Variants in ARAP2 observed in about 807,000 individuals in gnomAD.
ARAP2 encodes the protein ArfGAP with RhoGAP domain, ankyrin repeat and PH domain 2, also known as arf-GAP with Rho-GAP domain, ANK repeat and PH domain-containing protein 2.
A neutral mutation model predicts 194.5 loss-of-function variants in ARAP2; 148 were observed. The ratio of observed to expected loss-of-function variants is 0.76; its 90% CI spans 0.67 to 0.87. The LOEUF (loss-of-function observed/expected upper bound fraction) is 0.87, where lower values mean the gene tolerates loss of function less well. Among genes scored for constraint, ARAP2 ranks in the 40% least tolerant of loss-of-function variants. ARAP2 has a pLI of 0.00. For missense variants in ARAP2, 2,128 were observed against 1,989.7 expected, an observed-to-expected ratio of 1.07 and a Z score of -1.32; for synonymous variants, 695 against 683.5, an observed-to-expected ratio of 1.02 and a Z score of -0.26.
At chr4:36,187,904 A>G (rs1257148886) in intron 7 of ARAP2, among the ~76,000 whole-genome samples, 2 of 152,198 alleles carry the variant, frequency 1.3e-5, no homozygotes, top group African/African-American at 2.4e-5. Context: ...GCTCAAAATG[A>G]TTTTATGGTG....
At chr4:36,031,360 T>C (rs1463551611) in intron 5 of ARAP2, among the ~76,000 whole-genome samples, 1 of 152,208 alleles carries the variant, frequency 6.6e-6, no homozygotes, top group Non-Finnish European at 1.5e-5. Flanking sequence ...TACTCCATTG[T>C]AGCAATCGAA....
chr4:36,075,743 C>A (rs1189547117), intron 31 of ARAP2, among the ~76,000 whole-genome samples: 1 of 152,120 alleles, frequency 6.6e-6, no homozygotes, highest in Non-Finnish European at 1.5e-5. Context: ...ATCATACTTG[C>A]CTGGCAAAGC....
chr4:36,043,828 G>GGGAA (rs1560311481), intron 5 of ARAP2, among the ~76,000 whole-genome samples: 1 of 59,112 alleles, frequency 1.7e-5, no homozygotes, highest in African/African-American at 5.7e-5. Flanking sequence ...GGGAAGGGAA[G>GGGAA]GGGAGGGGAG....
chr4:36,090,295 C>T (rs552739758), intron 28 of ARAP2, among the ~76,000 whole-genome samples: 22 of 152,158 alleles, frequency 1.4e-4, no homozygotes, highest in African/African-American at 4.6e-4. Flanking sequence ...TCCCAGGAAT[C>T]GGAGGGATTC....
Position 36,165,069 on chromosome 4 carries a change from G to A in ARAP2, c.2018C>T (p.Ala673Val), listed in dbSNP as rs768542856. 4 of 1,614,056 alleles carry A rather than the reference G, an allele frequency of 2.5e-6. No homozygotes were observed. The highest frequency in any genetic ancestry group is 3.3e-5 in the Admixed American group (2 of 60,014). ...AGTTTCTGCTATTGATTGCTGCACA[G>A]CTTCAATCCAGTCTTGTTTCTCCTT... is the stretch of plus-strand genomic sequence containing the variant. ...TEKEKQDWIEAVQQSIAETLS... is the reference protein window; with the variant it reads ...TEKEKQDWIEVVQQSIAETLS... Residue 673 changes from alanine to valine, a missense_variant, in exon 11 of 33, where the codon GCT becomes GTT. By Grantham distance (64) the Ala-to-Val change is moderately conservative. Coordinates refer to ENST00000303965, the MANE Select transcript of ARAP2 (RefSeq NM_015230.4).
intron 15 of ARAP2, 125 bp downstream of exon 15, chr4:36,158,605 C>T (rs1733142575): frequency 3.7e-6 from 3 of 818,872 alleles, no homozygotes; most frequent in Non-Finnish European, 5.6e-6. Flanking sequence ...TTTATAAATC[C>T]TCAAAAATAT....
chr4:36,151,088 G>T lies in ARAP2; in HGVS notation c.2753-44C>A, dbSNP rs772164868. 4 of 1,526,222 alleles carry T rather than the reference G, an allele frequency of 2.6e-6. No homozygotes were observed. In the Admixed American group the frequency reaches 8.9e-5, roughly 34 times the overall value. The allele number at this position is 1,526,222 out of a possible 1,614,324, so 94.5% of individuals were successfully genotyped here. ...ACAAATAACAAATTGAGCTAATCAC[G>T]AATCCAATTTTAAAAACAAAAACAT... is the stretch of plus-strand genomic sequence containing the variant. On this transcript the variant is annotated intron_variant, in intron 15 of 32. Transcript: ENST00000303965.
At chr4:36,244,048 A>G (rs902992967) in intron 1 of ARAP2, 131 bp downstream of exon 1, 20 of 152,262 alleles carry the variant, frequency 1.3e-4, no homozygotes, top group African/African-American at 4.8e-4. Context: ...GGCGGACACC[A>G]GAGCCGAGCA....
At chr4:36,061,785 C>T (rs1220420966), downstream of ARAP2, among the ~76,000 whole-genome samples, 1 of 151,956 alleles carries the variant, frequency 6.6e-6, no homozygotes. Flanking sequence ...AAGAAGTTTC[C>T]CTTTTCGCCA....
Position 36,143,214 on chromosome 4 carries a change from C to A in ARAP2, c.3263+4082G>T, listed in dbSNP as rs187852523. Among the ~76,000 whole-genome samples, 107 of 151,838 alleles carry A rather than the reference C, an allele frequency of 7.0e-4. No homozygotes were observed. The Middle Eastern group carries it at 0.02, about 29-fold the overall frequency. On this transcript the variant is annotated intron_variant, in intron 19 of 32. Coordinates refer to ENST00000303965, the MANE Select transcript of ARAP2 (RefSeq NM_015230.4). ...TGGCATCTATTGTGCAGATTCTTTA[C>A]TTTTATGCACACGGTGGACCTCCCT...
intron 3 of ARAP2, 90 bp from the exon 4 acceptor site, chr4:36,213,409 T>C (rs752629340): frequency 3.3e-5 from 31 of 944,564 alleles, no homozygotes; most frequent in Non-Finnish European, 4.8e-5. Context: ...GAGTTTTTTA[T>C]GGCATTATCA....
At chr4:36,043,442 C>G (rs559671428) in intron 5 of ARAP2, among the ~76,000 whole-genome samples, 1 of 152,098 alleles carries the variant, frequency 6.6e-6, no homozygotes, top group African/African-American at 2.4e-5. Context: ...GTCAAGATAT[C>G]GGGGCAACAT....
intron 31 of ARAP2, among the ~76,000 whole-genome samples, chr4:36,078,585 G>C (rs1728772038): frequency 6.6e-6 from 1 of 152,140 alleles, no homozygotes. Flanking sequence ...TATCTTAAGG[G>C]AGGACCTGAA....
At chr4:36,124,797 T>A in intron 22 of ARAP2, 65 bp downstream of exon 22, 5 of 1,006,872 alleles carry the variant, frequency 5.0e-6, no homozygotes, top group Non-Finnish European at 7.6e-6. Context: ...CACAATCACA[T>A]AAGAAATAAT....
At chr4:36,144,958 C>T (rs186846994) in intron 19 of ARAP2, among the ~76,000 whole-genome samples, 99 of 151,960 alleles carry the variant, frequency 6.5e-4, no homozygotes, top group African/African-American at 2.3e-3. Context: ...ATTTTAATAG[C>T]ATTTTCTTTT....
At chr4:36,068,335 A>T in intron 32 of ARAP2, 57 bp from the exon 33 acceptor site, 1 of 1,484,538 alleles carries the variant, frequency 6.7e-7, no homozygotes, top group Non-Finnish European at 8.9e-7. Context: ...ATTTAGGTTT[A>T]GAAAGTGCAA....
In ARAP2 at chr4:36,212,439, C is replaced by T. The variant is rs375643307; in HGVS notation, c.1090G>A (p.Gly364Arg). ...GAGTTTGTTGCAGTAGCTGCTTCCCCTTTGAGTGCTTCTCCCTGGGTCAAA... is the reference window on the plus strand; with the variant it reads ...GAGTTTGTTGCAGTAGCTGCTTCCCTTTTGAGTGCTTCTCCCTGGGTCAAA... The part of the protein sequence containing the change: ...EFLTQGEALK[G>R]EAATATNSFI... Residue 364 changes from glycine to arginine, a missense_variant, in exon 5 of 33, where the codon GGG (glycine) becomes AGG (arginine). Coordinates refer to ENST00000303965, the MANE Select transcript of ARAP2 (RefSeq NM_015230.4). 3.0e-5 allele frequency: 49 copies of T among 1,612,272 alleles called. No individual in the cohort carries two copies. The highest frequency in any genetic ancestry group is 4.2e-5 in the Non-Finnish European group (49 of 1,178,846).
At chr4:36,083,483 G>T in intron 28 of ARAP2, 33 bp from the exon 29 acceptor site, 1 of 1,394,576 alleles carries the variant, frequency 7.2e-7, no homozygotes, top group Non-Finnish European at 9.9e-7. Flanking sequence ...GTAATTAAAT[G>T]GATTTACACA....
intron 1 of ARAP2, among the ~76,000 whole-genome samples, chr4:36,231,841 A>C (rs1365610919): frequency 6.6e-6 from 1 of 152,170 alleles, no homozygotes; most frequent in Non-Finnish European, 1.5e-5. Flanking sequence ...TACTGATAGA[A>C]TTATGTCCTC....
Sources: gnomAD v4.1 joint callset for allele counts (sites outside exome capture counted in the v4.1 genomes callset) on GRCh38, gnomAD v4.1.1 for gene constraint, MANE v1.5 for transcripts, NCBI Gene and HGNC (gene_info 2026-07-23, HGNC 2026-07-21) for gene names.